Variants in ATP2C1 observed in about 807,000 individuals in gnomAD.
The protein encoded by ATP2C1 is ATPase secretory pathway Ca2+ transporting 1, also known as calcium-transporting ATPase type 2C member 1.
A neutral mutation model predicts 120.5 loss-of-function variants in ATP2C1; 31 were observed. The observed-to-expected ratio is 0.26, with a 90% confidence interval of 0.19 to 0.35. The LOEUF (loss-of-function observed/expected upper bound fraction) is 0.35. Ranked by LOEUF, ATP2C1 falls within the 10% of genes least tolerant of loss-of-function variation. The pLI is 1.00. For synonymous variants in ATP2C1, 351 were observed against 358.7 expected, an observed-to-expected ratio of 0.98 and a Z score of 0.24; for missense variants, 731 against 1,107.5, an observed-to-expected ratio of 0.66 and a Z score of 4.83.
In ATP2C1 at chr3:130,982,013, G is replaced by T. The variant is rs2061787219; in HGVS notation, c.1839+1334G>T. Among the ~76,000 whole-genome samples, 3 of 152,100 alleles carry T rather than the reference G, an allele frequency of 2.0e-5. 1 individual carries two copies. In the South Asian group the frequency reaches 6.2e-4, roughly 31 times the overall value. On this transcript the variant is annotated intron_variant, in intron 20 of 27. Transcript: ENST00000510168. Reference sequence around the variant, plus strand: ...GTAGTGTGTCTTTTCCAAGAGAGAAGCTTTTAATTTTGATTAGGTCTAGTT... The same window carrying T: ...GTAGTGTGTCTTTTCCAAGAGAGAATCTTTTAATTTTGATTAGGTCTAGTT...
At chr3:130,901,582 G>T (rs556120375) in intron 2 of ATP2C1, among the ~76,000 whole-genome samples, 1 of 152,106 alleles carries the variant, frequency 6.6e-6, no homozygotes, top group Admixed American at 6.6e-5. Context: ...ATGTCATTTG[G>T]GTCAGTGAAG....
intron 22 of ATP2C1, among the ~76,000 whole-genome samples, chr3:130,995,621 A>G (rs1255045270): frequency 6.6e-6 from 1 of 151,806 alleles, no homozygotes; most frequent in South Asian, 2.1e-4. Context: ...CATGTGTTGT[A>G]TTAGTTGGAA....
intron 18 of ATP2C1, among the ~76,000 whole-genome samples, chr3:130,978,297 A>T (rs2061614146): frequency 6.6e-6 from 1 of 152,092 alleles, no homozygotes; most frequent in East Asian, 1.9e-4. Flanking sequence ...GAGCATATGT[A>T]ATCTTTCATA....
intron 2 of ATP2C1, among the ~76,000 whole-genome samples, chr3:130,920,556 A>G (rs1338325082): frequency 4.6e-5 from 7 of 152,098 alleles, no homozygotes; most frequent in Non-Finnish European, 7.4e-5. Context: ...TGCCAATACC[A>G]TACTGTTTAG....
intron 11 of ATP2C1, among the ~76,000 whole-genome samples, chr3:130,957,954 C>G (rs1263882440): frequency 6.6e-6 from 1 of 152,106 alleles, no homozygotes; most frequent in Non-Finnish European, 1.5e-5. Flanking sequence ...AGGAAGTTAT[C>G]TTAGTTATTT....
chr3:130,986,864 A>ATTAGTTTAGT (rs1230278748), intron 20 of ATP2C1, among the ~76,000 whole-genome samples: 11 of 137,346 alleles, frequency 8.0e-5, no homozygotes, highest in Admixed American at 2.3e-4. Context: ...CAGCTTTTTG[A>ATTAGTTTAGT]TTAGTTTAGT....
At chr3:130,926,365 A>C (rs183181559) in intron 2 of ATP2C1, among the ~76,000 whole-genome samples, 1 of 152,202 alleles carries the variant, frequency 6.6e-6, no homozygotes, top group South Asian at 2.1e-4. Context: ...CAAACACAAA[A>C]ACTGGATAGC....
intron 2 of ATP2C1, among the ~76,000 whole-genome samples, chr3:130,900,616 C>T (rs2057774363): frequency 1.3e-5 from 2 of 151,698 alleles, no homozygotes; most frequent in African/African-American, 2.4e-5. Context: ...AATTTAAACA[C>T]GCAAAGTAAA....
intron 1 of ATP2C1, among the ~76,000 whole-genome samples, chr3:130,886,816 ATC>A (rs2107844830): frequency 6.6e-6 from 1 of 152,294 alleles, no homozygotes; most frequent in South Asian, 2.1e-4. Context: ...AAGGTCACAT[ATC>A]TCTGTTTCTC....
intron 2 of ATP2C1, among the ~76,000 whole-genome samples, chr3:130,920,662 T>C (rs1039073771): frequency 2.0e-5 from 3 of 152,184 alleles, no homozygotes; most frequent in African/African-American, 7.2e-5. Context: ...CTATTTATGG[T>C]CTTTTGTGGT....
At position 130,894,688 on chromosome 3, in the gene ATP2C1, CCT is replaced by C. The variant is rs886057978; in HGVS notation, c.-78_-77del. On this transcript the variant is annotated 5_prime_UTR_variant, in exon 2 of 28. An upstream open reading frame in the 5' UTR loses its in-frame stop. Transcript: ENST00000510168. This position sits in a 1 kb window ranked among gnomAD's most constrained non-coding sequence, Gnocchi z 4.5. Reference sequence around the variant, plus strand: ...GGGGGCTTCTCTTCCTTGTCCTCCTCCTCTCCTCTCTATTCCCAGTGTGGCCG... The same window carrying C: ...GGGGGCTTCTCTTCCTTGTCCTCCTCCTCCTCTCTATTCCCAGTGTGGCCG... 243 of 1,613,758 alleles carry C rather than the reference CCT, an allele frequency of 1.5e-4. No homozygotes were observed. The highest frequency in any genetic ancestry group is 1.9e-4 in the Non-Finnish European group (230 of 1,179,894).
At chr3:130,917,951 A>G (rs1391077233) in intron 2 of ATP2C1, among the ~76,000 whole-genome samples, 1 of 149,378 alleles carries the variant, frequency 6.7e-6, no homozygotes, top group Non-Finnish European at 1.5e-5. Context: ...AGATTCACCC[A>G]TGTTGTGCCA....
At chr3:130,936,068 T>C (rs2059656971) in intron 5 of ATP2C1, among the ~76,000 whole-genome samples, 1 of 152,198 alleles carries the variant, frequency 6.6e-6, no homozygotes, top group Non-Finnish European at 1.5e-5. Flanking sequence ...GCAGAATTTG[T>C]TGCTAATGAT....
Position 130,994,798 on chromosome 3 carries a change from A to G in ATP2C1, c.2057+700A>G, listed in dbSNP as rs192077058. Among the ~76,000 whole-genome samples the G allele has an allele frequency of 2.8e-3, 419 of 152,316 alleles. 2 individuals carry two copies. The highest frequency in any genetic ancestry group is 7.0e-3 in the Admixed American group (107 of 15,292). On this transcript the variant is annotated intron_variant, in intron 22 of 27. Transcript: ENST00000510168. ...AGCTTAGGACTCACAGTATTTGCCA[A>G]GCTTTTGCAAGGATATGAGTTTTTT...
chr3:130,918,525 G>C lies in ATP2C1; in HGVS notation c.7-11891G>C, dbSNP rs530624834. Reference sequence around the variant, plus strand: ...TAGGCATGTGAGGCTGAACACTCTGGCTTGATGCCCAGGCTCTCACCACGG... The same window carrying C: ...TAGGCATGTGAGGCTGAACACTCTGCCTTGATGCCCAGGCTCTCACCACGG... On this transcript the variant is annotated intron_variant, in intron 2 of 27. Coordinates refer to ENST00000510168, the MANE Select transcript of ATP2C1 (RefSeq NM_001378687.1). 266 of 755,188 alleles carry C rather than the reference G, an allele frequency of 3.5e-4. 1 individual carries two copies. Among genetic ancestry groups the C allele is most frequent in the Non-Finnish European group, 4.8e-4 (192 of 402,348 alleles). The allele number at this position is 755,188 out of a possible 1,614,324, so 46.8% of individuals were successfully genotyped here. A position where few individuals can be genotyped will look rare whatever the true frequency, so the allele number is the denominator to read the frequency against.
chr3:131,010,341 C>T (rs960074139), intron 26 of ATP2C1, among the ~76,000 whole-genome samples: 3 of 151,998 alleles, frequency 2.0e-5, no homozygotes, highest in Non-Finnish European at 4.4e-5. Context: ...CAGGTGCCCG[C>T]CACCACACCC....
At chr3:130,902,496 T>G (rs1468624857) in intron 2 of ATP2C1, among the ~76,000 whole-genome samples, 1 of 151,840 alleles carries the variant, frequency 6.6e-6, no homozygotes, top group African/African-American at 2.4e-5. Context: ...AAACCCTTAG[T>G]GTAGATCAAT....
At chr3:130,984,303 G>T (rs1259339951) in intron 20 of ATP2C1, among the ~76,000 whole-genome samples, 3 of 152,016 alleles carry the variant, frequency 2.0e-5, no homozygotes, top group African/African-American at 7.3e-5. Flanking sequence ...TTTTACCACT[G>T]CCCTTATCCA....
exon 27 of ATP2C1, chr3:131,016,299 A>T (rs200283943): frequency 6.2e-7 from 1 of 1,614,088 alleles, no homozygotes; most frequent in Non-Finnish European, 8.5e-7. Context: ...GGAACTCTGC[A>T]TACAACATCT....
Sources: allele counts gnomAD v4.1 joint callset (sites outside exome capture counted in the v4.1 genomes callset), GRCh38; gene constraint gnomAD v4.1.1; non-coding constraint Gnocchi (gnomAD v3.1); transcripts MANE v1.5; gene names NCBI Gene and HGNC (gene_info 2026-07-23, HGNC 2026-07-21).